The following EYA2 variants were observed in gnomAD, a reference collection of about 807,000 sequenced individuals.
EYA2 encodes the protein EYA transcriptional coactivator and phosphatase 2, also known as protein phosphatase EYA2.
A neutral mutation model predicts 69.2 loss-of-function variants in EYA2; 31 were observed. That is an observed-to-expected ratio of 0.45 (90% CI 0.34 to 0.60). EYA2 has a LOEUF of 0.60. Among genes scored for constraint, EYA2 ranks in the 20% least tolerant of loss-of-function variants. The pLI is 0.02. For synonymous variants in EYA2, 257 were observed against 279.4 expected (o/e 0.92, Z 0.80); for missense variants, 622 against 701.2 (o/e 0.89, Z 1.28).
At chr20:47,100,766 G>C (rs1429821808) in intron 9 of EYA2, among the ~76,000 whole-genome samples, 1 of 152,246 alleles carries the variant, frequency 6.6e-6, no homozygotes, top group Admixed American at 6.5e-5. Flanking sequence ...GGTGAGGAAT[G>C]AATGAGTATT....
intron 9 of EYA2, among the ~76,000 whole-genome samples, chr20:47,121,187 T>A (rs533837092): frequency 6.6e-6 from 1 of 152,268 alleles, no homozygotes. Context: ...CTCCACCTCC[T>A]GGGTTCAAGC....
chr20:46,951,818 C>G (rs1436831303), intron 1 of EYA2, among the ~76,000 whole-genome samples: 1 of 152,202 alleles, frequency 6.6e-6, no homozygotes, highest in Non-Finnish European at 1.5e-5. Context: ...CTCTCAGAGC[C>G]TAAGTTCCTT....
intron 9 of EYA2, among the ~76,000 whole-genome samples, chr20:47,142,341 AAGG>A (rs1263511192): frequency 1.3e-5 from 2 of 152,248 alleles, no homozygotes; most frequent in Non-Finnish European, 2.9e-5. Context: ...TGTATACAGA[AAGG>A]AGGCACTTTC....
At chr20:47,034,336 G>A (rs1275640314) in intron 5 of EYA2, among the ~76,000 whole-genome samples, 2 of 152,246 alleles carry the variant, frequency 1.3e-5, no homozygotes, top group African/African-American at 4.8e-5. Context: ...GGTAAGTTTC[G>A]CAAAAATGTG....
At chr20:47,015,616 A>G (rs1983360571) in intron 4 of EYA2, among the ~76,000 whole-genome samples, 1 of 152,066 alleles carries the variant, frequency 6.6e-6, no homozygotes, top group Non-Finnish European at 1.5e-5. Flanking sequence ...TCACGGTGGC[A>G]TGTACAAAAT....
Position 46,924,933 on chromosome 20 carries a change from G to T in EYA2, c.-11+29946G>T, listed in dbSNP as rs1985350043. Among the ~76,000 whole-genome samples, 2 of 152,190 alleles carry T rather than the reference G, an allele frequency of 1.3e-5. 1 individual carries two copies. The highest frequency in any genetic ancestry group is 1.3e-4 in the Admixed American group (2 of 15,278). On this transcript the variant is annotated intron_variant, in intron 1 of 15. Transcript: ENST00000327619. ...ACAACAGAAATTTACTCTCTCCGGA[G>T]GTGGAAGTCTCCAGAGAGCCTGCAA...
chr20:46,987,954 C>CTATA (rs1981362861), intron 1 of EYA2, among the ~76,000 whole-genome samples: 3 of 43,570 alleles, frequency 6.9e-5, no homozygotes, highest in Non-Finnish European at 9.3e-5. Flanking sequence ...CTCTCTCTCT[C>CTATA]TCTCTCTCTC....
At chr20:47,044,051 G>T (rs2029906675) in intron 5 of EYA2, among the ~76,000 whole-genome samples, 1 of 152,150 alleles carries the variant, frequency 6.6e-6, no homozygotes, top group Admixed American at 6.5e-5. Flanking sequence ...TGTTCATAGG[G>T]CATGCTGGTA....
intron 5 of EYA2, among the ~76,000 whole-genome samples, chr20:47,047,816 G>A (rs991178416): frequency 6.6e-6 from 1 of 152,120 alleles, no homozygotes; most frequent in Non-Finnish European, 1.5e-5. Flanking sequence ...TTAGAATTCC[G>A]AAATCAAGGT....
intron 8 of EYA2, among the ~76,000 whole-genome samples, chr20:47,092,924 T>C (rs1214023973): frequency 6.6e-6 from 1 of 152,212 alleles, no homozygotes; most frequent in Non-Finnish European, 1.5e-5. Context: ...GTTAAAATCC[T>C]TCAGCTGCAC....
Position 47,072,259 on chromosome 20 carries a change from A to G in EYA2, c.483+7A>G, listed in dbSNP as rs1600687330. 1.2e-6 allele frequency: 2 copies of G among 1,608,992 alleles called. No homozygotes were observed. The highest frequency in any genetic ancestry group is 1.7e-6 in the Non-Finnish European group (2 of 1,177,188). On this transcript the variant is annotated splice_region_variant and intron_variant, in intron 6 of 15. Coordinates refer to ENST00000327619, the MANE Select transcript of EYA2 (RefSeq NM_005244.5). The stretch of plus-strand genomic sequence containing the variant: ...TTTCGGGAGTGTGCACCAGGTAGAC[A>G]TGGCTCCCTCCCGATTCTTTCCTCA...
chr20:46,939,388 G>A (rs1245535505), intron 1 of EYA2, among the ~76,000 whole-genome samples: 1 of 151,968 alleles, frequency 6.6e-6, no homozygotes. Context: ...GCAAACCTGA[G>A]TGATAGAGAT....
At chr20:46,903,687 G>A (rs892763999) in intron 1 of EYA2, among the ~76,000 whole-genome samples, 4 of 152,130 alleles carry the variant, frequency 2.6e-5, no homozygotes, top group Admixed American at 6.5e-5. Flanking sequence ...GAAAGCTATC[G>A]TGGAGATTGA....
chr20:47,112,160 A>G (rs1364262841), intron 9 of EYA2, among the ~76,000 whole-genome samples: 1 of 152,174 alleles, frequency 6.6e-6, no homozygotes, highest in East Asian at 1.9e-4. Flanking sequence ...AAACAAAGCC[A>G]TGACTATTTA....
chr20:47,096,145 T>C (rs975237457), intron 8 of EYA2: 1 of 152,216 alleles, frequency 6.6e-6, no homozygotes, highest in African/African-American at 2.4e-5. Flanking sequence ...TTAATTATGA[T>C]GGAGTACAAG....
chr20:47,094,486 A>G (rs1231482184), intron 8 of EYA2, among the ~76,000 whole-genome samples: 1 of 152,254 alleles, frequency 6.6e-6, no homozygotes, highest in Non-Finnish European at 1.5e-5. Context: ...AAATCCCTGT[A>G]CTAGAGAATC....
chr20:46,979,241 C>T (rs745714823), intron 1 of EYA2, among the ~76,000 whole-genome samples: 10 of 152,204 alleles, frequency 6.6e-5, no homozygotes, highest in Non-Finnish European at 1.0e-4. Context: ...TTTGAAGCTG[C>T]CCCTGCCCCC....
chr20:47,169,466 T>C (rs1443546072), intron 11 of EYA2, among the ~76,000 whole-genome samples: 1 of 152,100 alleles, frequency 6.6e-6, no homozygotes, highest in South Asian at 2.1e-4. Flanking sequence ...AGCAACATAG[T>C]GAGACCCCCA....
At chr20:47,013,427 A>G (rs1189954072) in intron 4 of EYA2, among the ~76,000 whole-genome samples, 1 of 152,348 alleles carries the variant, frequency 6.6e-6, no homozygotes, top group African/African-American at 2.4e-5. Flanking sequence ...TGTATCATCT[A>G]TTTAAAATGG....
Sources: allele counts gnomAD v4.1 joint callset (sites outside exome capture counted in the v4.1 genomes callset), GRCh38; gene constraint gnomAD v4.1.1; transcripts MANE v1.5; gene names NCBI Gene and HGNC (gene_info 2026-07-23, HGNC 2026-07-21).